Variants in ENTREP2 observed in about 807,000 individuals in gnomAD.
The protein encoded by ENTREP2 is endosomal transmembrane epsin interactor 2.
At chr15:29,437,206 T>G in the ENTREP2 span, among the ~76,000 whole-genome samples, 8 of 152,176 alleles carry the variant, frequency 5.3e-5, no homozygotes, top group Admixed American at 1.3e-4. Flanking sequence ...CAGTAAACAA[T>G]GATTTCTTAA....
At chr15:29,159,279 A>G in the ENTREP2 span, among the ~76,000 whole-genome samples, 1 of 151,906 alleles carries the variant, frequency 6.6e-6, no homozygotes, top group South Asian at 2.1e-4. Flanking sequence ...GAAGTTGCTC[A>G]TTCCTCCCGA....
chr15:29,666,381 T>C, the ENTREP2 span, among the ~76,000 whole-genome samples: 2 of 151,888 alleles, frequency 1.3e-5, no homozygotes, highest in Non-Finnish European at 2.9e-5. Flanking sequence ...CTGGGTCTGC[T>C]TTCCAAATCC....
At chr15:29,647,638 A>ACTG in the ENTREP2 span, among the ~76,000 whole-genome samples, 1 of 152,140 alleles carries the variant, frequency 6.6e-6, no homozygotes, top group Non-Finnish European at 1.5e-5. Context: ...GGGCAGTAAT[A>ACTG]CCTCAGAGAC....
At chr15:29,290,689 T>A in the ENTREP2 span, among the ~76,000 whole-genome samples, 1 of 152,220 alleles carries the variant, frequency 6.6e-6, no homozygotes, top group Non-Finnish European at 1.5e-5. Context: ...AAATGCTGAC[T>A]GATGCTGTCT....
chr15:29,474,294 C>A, the ENTREP2 span, among the ~76,000 whole-genome samples: 4 of 152,222 alleles, frequency 2.6e-5, no homozygotes, highest in African/African-American at 9.6e-5. Flanking sequence ...GCCATCCCCA[C>A]CCTACCCCAA....
At chr15:29,625,074 A>C in the ENTREP2 span, among the ~76,000 whole-genome samples, 2 of 151,928 alleles carry the variant, frequency 1.3e-5, no homozygotes, top group Non-Finnish European at 2.9e-5. Context: ...CTCTATCTCT[A>C]TAGTTTTGTC....
At chr15:29,448,447 G>A in the ENTREP2 span, among the ~76,000 whole-genome samples, 12 of 152,222 alleles carry the variant, frequency 7.9e-5, no homozygotes, top group Admixed American at 1.3e-4. Context: ...AGCTCTGACT[G>A]CCTGTTGCTT....
the ENTREP2 span, among the ~76,000 whole-genome samples, chr15:29,632,531 C>G: frequency 6.6e-6 from 1 of 152,068 alleles, no homozygotes; most frequent in Non-Finnish European, 1.5e-5. Context: ...CCTGTAATCC[C>G]AACACTTTGG....
chr15:29,125,450 A>T, the ENTREP2 span, among the ~76,000 whole-genome samples: 6 of 152,134 alleles, frequency 3.9e-5, no homozygotes, highest in Non-Finnish European at 8.8e-5. Flanking sequence ...GCAACTGGCC[A>T]CTGCGGGCTC....
At chr15:29,126,115 C>A in the ENTREP2 span, among the ~76,000 whole-genome samples, 1 of 152,134 alleles carries the variant, frequency 6.6e-6, no homozygotes, top group East Asian at 1.9e-4. Flanking sequence ...CCCACCCACC[C>A]CTGGCTCAGG....
At chr15:29,347,621 C>T in the ENTREP2 span, among the ~76,000 whole-genome samples, 6 of 152,064 alleles carry the variant, frequency 3.9e-5, no homozygotes, top group Admixed American at 6.5e-5. Flanking sequence ...TGTCCTACTA[C>T]AAGAAAATAG....
the ENTREP2 span, among the ~76,000 whole-genome samples, chr15:29,270,652 GGA>G: frequency 1.6e-5 from 2 of 128,776 alleles, no homozygotes; most frequent in African/African-American, 9.6e-5. Context: ...TTAGCTTTGA[GGA>G]AAAAAAAGAG....
chr15:29,254,171 A>AT, the ENTREP2 span, among the ~76,000 whole-genome samples: 2 of 147,418 alleles, frequency 1.4e-5, no homozygotes, highest in African/African-American at 5.1e-5. Flanking sequence ...CAAAAAAAAA[A>AT]AAAAAAAAAA....
At chr15:29,528,364 T>C in the ENTREP2 span, among the ~76,000 whole-genome samples, 3 of 148,500 alleles carry the variant, frequency 2.0e-5, no homozygotes, top group Admixed American at 2.0e-4. Flanking sequence ...ATAGGATGAG[T>C]TGGAAGAGAA....
the ENTREP2 span, among the ~76,000 whole-genome samples, chr15:29,317,547 T>C: frequency 1.3e-5 from 2 of 152,212 alleles, no homozygotes; most frequent in African/African-American, 2.4e-5. Flanking sequence ...TCATCACATA[T>C]GCAAAACGGA....
chr15:29,292,215 G>C, the ENTREP2 span, among the ~76,000 whole-genome samples: 1,442 of 152,266 alleles, frequency 9.5e-3, 25 homozygotes, highest in African/African-American at 0.033. Flanking sequence ...GATCATCACT[G>C]ACAGGCTTCA....
chr15:29,415,449 A>G, the ENTREP2 span, among the ~76,000 whole-genome samples: 6 of 152,130 alleles, frequency 3.9e-5, no homozygotes, highest in East Asian at 7.7e-4. Flanking sequence ...GAATTCAACA[A>G]CCCTTCATGC....
chr15:29,523,045 T>A, the ENTREP2 span, among the ~76,000 whole-genome samples: 10 of 152,210 alleles, frequency 6.6e-5, no homozygotes, highest in Admixed American at 4.6e-4. Flanking sequence ...AGCACTGTGT[T>A]CATGCTCAGG....
chr15:29,290,979 C>T, the ENTREP2 span, among the ~76,000 whole-genome samples: 1 of 152,158 alleles, frequency 6.6e-6, no homozygotes, highest in Non-Finnish European at 1.5e-5. Context: ...TTCCTGCCTC[C>T]CTTGCAGCTG....
Sources: allele counts gnomAD v4.1 joint callset (sites outside exome capture counted in the v4.1 genomes callset), GRCh38; gene constraint gnomAD v4.1.1; transcripts MANE v1.5; gene names NCBI Gene and HGNC (gene_info 2026-07-23, HGNC 2026-07-21).